CACNA1G: variants seen among roughly 807,000 people sequenced by gnomAD.
CACNA1G encodes the protein calcium voltage-gated channel subunit alpha1 G.
Under a neutral mutation model 219.4 loss-of-function variants are expected in CACNA1G, and 67 were observed. The observed-to-expected ratio is 0.31, with a 90% CI of 0.25 to 0.37. The LOEUF (loss-of-function observed/expected upper bound fraction) is 0.37, where lower values mean the gene tolerates loss of function less well. Ranked by LOEUF, CACNA1G falls within the 10% of genes least tolerant of loss-of-function variation. CACNA1G has a pLI of 1.00. For synonymous variants in CACNA1G, 1,296 were observed against 1,345.3 expected (o/e 0.96, Z 0.80); for missense variants, 2,380 against 3,231.4 (o/e 0.74, Z 6.39).
rs2047319209 is a variant in CACNA1G at position 50,603,740 on chromosome 17, T to C, written c.4170-415T>C. On this transcript the variant is annotated intron_variant, in intron 21 of 37. Transcript: ENST00000359106. This position sits in a 1 kb window ranked among gnomAD's most constrained non-coding sequence, Gnocchi z 6.4. ...TTTTTTTTTTTTAATAGGGATGATG[T>C]GGACTAATGGCGATGCTTCCCTGAC... Among the ~76,000 whole-genome samples, 2 of 151,738 alleles carry C rather than the reference T, an allele frequency of 1.3e-5. No homozygotes were observed. Among genetic ancestry groups the C allele is most frequent in the South Asian group, 2.1e-4 (1 of 4,804 alleles).
intron 27 of CACNA1G, 139 bp from the exon 28 acceptor site, chr17:50,616,136 A>G (rs916145500): frequency 5.1e-6 from 3 of 583,938 alleles, no homozygotes; most frequent in Admixed American, 3.0e-5. Context: ...ATGGCCAGCC[A>G]TCATGATGGG....
intron 26 of CACNA1G, 22 bp downstream of exon 26, chr17:50,609,957 C>A: frequency 6.2e-7 from 1 of 1,603,954 alleles, no homozygotes. Flanking sequence ...GGGGTGTGGG[C>A]TCATGCGTGT....
At chr17:50,606,122 C>T (rs1446711002) in intron 23 of CACNA1G, 99 bp downstream of exon 23, 1 of 1,504,502 alleles carries the variant, frequency 6.6e-7, no homozygotes, top group Non-Finnish European at 9.3e-7. Context: ...GAGGTGGGCT[C>T]CACGAAGAGA....
In CACNA1G at chr17:50,597,685, C is replaced by T. The variant is rs146146543; in HGVS notation, c.3258+762C>T. ...GCAATTTTGAAATAAATATGCATTACGTTATTATTGACTATAGCCATCATG... is the reference window on the plus strand; with the variant it reads ...GCAATTTTGAAATAAATATGCATTATGTTATTATTGACTATAGCCATCATG... On this transcript the variant is annotated intron_variant, in intron 16 of 37. Coordinates refer to ENST00000359106, the MANE Select transcript of CACNA1G (RefSeq NM_018896.5). Among the ~76,000 whole-genome samples the T allele has an allele frequency of 3.6e-3, 543 of 152,214 alleles. 2 individuals are homozygous for T. Among genetic ancestry groups the T allele is most frequent in the African/African-American group, 0.012 (516 of 41,524 alleles).
Position 50,578,379 on chromosome 17 carries a change from C to T in CACNA1G, c.2116C>T (p.Arg706Trp), listed in dbSNP as rs767949010. ...FTQDAQHSDL[R>W]DPHSRRQRSL... is the part of the protein sequence containing the mutation. ...ACAGGATGCCCAGCACAGCGACCTC[C>T]GGGACCCCCACAGCCGGCGGCAACG... The change falls in exon 9 of 38, where the codon CGG (arginine) becomes TGG (tryptophan). Residue 706 changes from arginine (R) to tryptophan (W), a missense_variant. By Grantham distance (101) the Arg-to-Trp change is moderately radical. This residue lies in a region of CACNA1G where 434 missense variants were observed against 417.3 expected (regional missense o/e 1.04). Coordinates refer to ENST00000359106, the MANE Select transcript of CACNA1G (RefSeq NM_018896.5). The surrounding 1 kb of genome is among the most constrained non-coding windows in gnomAD (Gnocchi z 4.5). 2.5e-5 allele frequency: 40 copies of T among 1,613,172 alleles called. No homozygotes were observed. The highest frequency in any genetic ancestry group is 8.9e-5 in the East Asian group (4 of 44,890).
chr17:50,626,354 G>A lies in CACNA1G; in HGVS notation c.6737G>A (p.Cys2246Tyr). 1 of 1,612,884 alleles carries A rather than the reference G, an allele frequency of 6.2e-7. No homozygotes were observed. Among genetic ancestry groups the A allele is most frequent in the Non-Finnish European group, 8.5e-7 (1 of 1,179,772 alleles). Reference sequence around the variant, plus strand: ...CCATCCCCACGGGACCTGAAGAAGTGCTACAGCGTGGAGGCCCAGAGCTGC... The same window carrying A: ...CCATCCCCACGGGACCTGAAGAAGTACTACAGCGTGGAGGCCCAGAGCTGC... ...EPPSPRDLKKCYSVEAQSCQR... is the reference protein window; with the variant it reads ...EPPSPRDLKKYYSVEAQSCQR... The change falls in exon 38 of 38, where the codon TGC becomes TAC. Residue 2246 changes from cysteine to tyrosine, a missense_variant. Transcript: ENST00000359106. This position sits in a 1 kb window ranked among gnomAD's most constrained non-coding sequence, Gnocchi z 4.3.
chr17:50,564,979 G>A (rs1236800687), intron 1 of CACNA1G, among the ~76,000 whole-genome samples: 12 of 151,612 alleles, frequency 7.9e-5, no homozygotes, highest in African/African-American at 2.2e-4. Context: ...CCCATCACCC[G>A]TAGTGCCAGT....
chr17:50,570,093 A>G (rs1360221238), intron 4 of CACNA1G, among the ~76,000 whole-genome samples: 1 of 152,110 alleles, frequency 6.6e-6, no homozygotes, highest in Non-Finnish European at 1.5e-5. Context: ...CCCCAGGAGG[A>G]TAGGGGTGTG....
At chr17:50,613,783 T>C (rs1678457395) in intron 26 of CACNA1G, among the ~76,000 whole-genome samples, 1 of 152,248 alleles carries the variant, frequency 6.6e-6, no homozygotes, top group Non-Finnish European at 1.5e-5. Flanking sequence ...TAGCGCCCTC[T>C]GGTTCTTGTG....
At chr17:50,562,897 G>T (rs1326920918) in intron 1 of CACNA1G, among the ~76,000 whole-genome samples, 1 of 152,140 alleles carries the variant, frequency 6.6e-6, no homozygotes, top group Non-Finnish European at 1.5e-5. Context: ...CTTGACAGAC[G>T]CCTGGCCCCA....
chr17:50,568,959 C>T lies in CACNA1G; in HGVS notation c.332C>T (p.Ser111Phe). The T allele has an allele frequency of 6.2e-7, 1 of 1,610,942 alleles. No individual in the cohort carries two copies. The highest frequency in any genetic ancestry group is 8.5e-7 in the Non-Finnish European group (1 of 1,179,458). The stretch of plus-strand genomic sequence containing the variant: ...CCATGCGAGGACATCGCCTGTGACT[C>T]CCAGCGCTGCCGGATCCTGCAGGTG... ...FRPCEDIACD[S>F]QRCRILQAFD... The change falls in exon 2 of 38, where the codon TCC (serine) becomes TTC (phenylalanine). Residue 111 changes from serine (S) to phenylalanine (F), a missense_variant. Physicochemically the swap from Ser to Phe is radical, Grantham distance 155 (BLOSUM62 -2). Coordinates refer to ENST00000359106, the MANE Select transcript of CACNA1G (RefSeq NM_018896.5).
chr17:50,570,742 A>G (rs944939077), intron 4 of CACNA1G, among the ~76,000 whole-genome samples: 4 of 152,038 alleles, frequency 2.6e-5, no homozygotes, highest in Non-Finnish European at 5.9e-5. Context: ...CCTCTGTCTA[A>G]CCACCGGTGT....
At chr17:50,623,315 T>G (rs2052692793) in intron 35 of CACNA1G, among the ~76,000 whole-genome samples, 1 of 141,510 alleles carries the variant, frequency 7.1e-6, no homozygotes, top group Admixed American at 7.5e-5. Flanking sequence ...TTTTGCCATG[T>G]TGCCCAGGCT....
chr17:50,574,974 CT>C (rs1238763330), intron 7 of CACNA1G, among the ~76,000 whole-genome samples: 1 of 152,108 alleles, frequency 6.6e-6, no homozygotes, highest in Middle Eastern at 3.2e-3. Context: ...CCAATGGTCC[CT>C]GTTTTCAGAT....
chr17:50,624,166 G>A, intron 36 of CACNA1G, 91 bp downstream of exon 36: 2 of 1,485,532 alleles, frequency 1.3e-6, no homozygotes, highest in Non-Finnish European at 1.8e-6. Context: ...GGGGAACTGA[G>A]GCAGCCAAAG....
chr17:50,594,565 T>A (rs1489486042), intron 13 of CACNA1G, among the ~76,000 whole-genome samples: 1 of 152,196 alleles, frequency 6.6e-6, no homozygotes, highest in Non-Finnish European at 1.5e-5. Context: ...TCTTACTCTG[T>A]ATGATTTGGG....
In CACNA1G at chr17:50,603,493, G is replaced by A. The variant is rs562519634; in HGVS notation, c.4169+294G>A. Among the ~76,000 whole-genome samples, 7 of 152,244 alleles carry A rather than the reference G, an allele frequency of 4.6e-5. No homozygotes were observed. In the East Asian group the frequency reaches 7.7e-4, roughly 17 times the overall value. On this transcript the variant is annotated intron_variant, in intron 21 of 37. Transcript: ENST00000359106. The surrounding 1 kb of genome is among the most constrained non-coding windows in gnomAD (Gnocchi z 6.4). ...CCCTGTGCAGCACACAGCACAAGGG[G>A]CCACGAGCAGGACTCTCACAGTCTT...
intron 9 of CACNA1G, among the ~76,000 whole-genome samples, chr17:50,588,057 G>T (rs1469617302): frequency 6.6e-6 from 1 of 152,066 alleles, no homozygotes; most frequent in African/African-American, 2.4e-5. Flanking sequence ...TTAAAAGAAC[G>T]TTTCATTAAT....
chr17:50,620,964 C>T (rs2051740426), intron 34 of CACNA1G, among the ~76,000 whole-genome samples: 1 of 152,238 alleles, frequency 6.6e-6, no homozygotes, highest in African/African-American at 2.4e-5. Context: ...AGGCAACCCC[C>T]TGGGTCCCAG....
Sources: allele counts gnomAD v4.1 joint callset (sites outside exome capture counted in the v4.1 genomes callset), GRCh38; gene constraint gnomAD v4.1.1; regional missense constraint gnomAD v4.1.1; non-coding constraint Gnocchi (gnomAD v3.1); transcripts MANE v1.5; gene names NCBI Gene and HGNC (gene_info 2026-07-23, HGNC 2026-07-21).